The following FMNL2 variants were observed in gnomAD, a reference collection of about 807,000 sequenced individuals.
FMNL2 encodes the protein formin-like protein 2.
In FMNL2, 51 loss-of-function variants were observed where a neutral mutation model predicts 130.2. That is an observed-to-expected ratio of 0.39 (90% CI 0.31 to 0.49). FMNL2 has a LOEUF of 0.49. Among genes scored for constraint, FMNL2 ranks in the 20% least tolerant of loss-of-function variants. The pLI is 0.85. For synonymous variants in FMNL2, 465 were observed against 467.1 expected, an observed-to-expected ratio of 1.00 and a Z score of 0.06; for missense variants, 977 against 1,316.2, an observed-to-expected ratio of 0.74 and a Z score of 3.99.
At chr2:152,490,569 A>ATTGTGTGTG (rs1316798149) in intron 1 of FMNL2, among the ~76,000 whole-genome samples, 1 of 108,520 alleles carries the variant, frequency 9.2e-6, no homozygotes, top group Admixed American at 1.0e-4. Context: ...TTGCTATCCA[A>ATTGTGTGTG]TGTGTGTGTG....
intron 1 of FMNL2, among the ~76,000 whole-genome samples, chr2:152,461,377 G>A (rs114759381): frequency 0.017 from 2,645 of 151,858 alleles, 33 homozygotes; most frequent in Non-Finnish European, 0.027. Flanking sequence ...AACATATGAA[G>A]TCTTTGAGAT....
intron 1 of FMNL2, among the ~76,000 whole-genome samples, chr2:152,412,458 ATATATATATATATATAT>A (rs1686357577): frequency 2.7e-4 from 2 of 7,524 alleles, no homozygotes; most frequent in South Asian, 6.9e-3. Context: ...ATATATATAT[ATATATATATATATATAT>A]ATATATATAT....
intron 1 of FMNL2, among the ~76,000 whole-genome samples, chr2:152,393,418 T>C (rs956465989): frequency 6.6e-6 from 1 of 152,224 alleles, no homozygotes; most frequent in African/African-American, 2.4e-5. Flanking sequence ...ATTATGTCCA[T>C]AGGATAGATG....
At chr2:152,529,299 G>T (rs1418987254) in intron 2 of FMNL2, among the ~76,000 whole-genome samples, 3 of 152,130 alleles carry the variant, frequency 2.0e-5, no homozygotes. Context: ...GTACCAATTT[G>T]TTTGTCCCGA....
At chr2:152,445,088 C>T (rs892705506) in intron 1 of FMNL2, among the ~76,000 whole-genome samples, 6 of 152,244 alleles carry the variant, frequency 3.9e-5, no homozygotes, top group African/African-American at 4.8e-5. Context: ...AGTTGCAGAA[C>T]TTTCAAAGAG....
chr2:152,528,136 T>A (rs771164341), intron 2 of FMNL2, among the ~76,000 whole-genome samples: 19 of 152,252 alleles, frequency 1.2e-4, no homozygotes, highest in Non-Finnish European at 2.4e-4. Context: ...TATAATTATT[T>A]ACCTTTTTCT....
At chr2:152,643,751 G>C in intron 25 of FMNL2, 1 of 985,442 alleles carries the variant, frequency 1.0e-6, no homozygotes. Context: ...GTCTGGGTGT[G>C]TTTGACAGCT....
intron 1 of FMNL2, among the ~76,000 whole-genome samples, chr2:152,406,267 G>T (rs1207729712): frequency 6.6e-6 from 1 of 152,196 alleles, no homozygotes; most frequent in Non-Finnish European, 1.5e-5. Context: ...TCTTGTCAAA[G>T]AGGGAACTGA....
Position 152,560,924 on chromosome 2 carries a change from T to A in FMNL2, c.485T>A (p.Val162Glu). ...GTGGAGAGTACTGTGGAGAGCTCGG[T>A]GGACAAATCAAAGCCCTGGAGTAGG... ...ESVESTVESS[V>E]DKSKPWSRSI... Residue 162 changes from valine to glutamate, a missense_variant, in exon 6 of 26, where the codon GTG (valine) becomes GAG (glutamate). Val to Glu is a moderately radical substitution (Grantham distance 121, BLOSUM62 -2). Transcript: ENST00000288670. 1 of 1,612,508 alleles carries A rather than the reference T, an allele frequency of 6.2e-7. No homozygotes were observed. The highest frequency in any genetic ancestry group is 8.5e-7 in the Non-Finnish European group (1 of 1,179,300).
intron 1 of FMNL2, among the ~76,000 whole-genome samples, chr2:152,519,216 C>T (rs1368668878): frequency 1.3e-5 from 2 of 152,152 alleles, no homozygotes; most frequent in Non-Finnish European, 2.9e-5. Context: ...TCTAAGACTA[C>T]CCTCTGATAA....
intron 23 of FMNL2, among the ~76,000 whole-genome samples, chr2:152,639,174 T>C (rs1361952372): frequency 6.6e-6 from 1 of 152,192 alleles, no homozygotes; most frequent in Non-Finnish European, 1.5e-5. Flanking sequence ...CCTAGGGACT[T>C]TGTAGGCAGA....
At chr2:152,531,913 G>C (rs1693721199) in intron 2 of FMNL2, among the ~76,000 whole-genome samples, 1 of 152,142 alleles carries the variant, frequency 6.6e-6, no homozygotes, top group Non-Finnish European at 1.5e-5. Flanking sequence ...GTGGTTTAGG[G>C]GTGAGGGTGA....
chr2:152,479,393 C>T (rs181731493), intron 1 of FMNL2, among the ~76,000 whole-genome samples: 24 of 152,296 alleles, frequency 1.6e-4, no homozygotes, highest in African/African-American at 4.6e-4. Context: ...CATCCTCCTG[C>T]GTTGGCCTCC....
At chr2:152,495,076 C>T in intron 1 of FMNL2, among the ~76,000 whole-genome samples, 1 of 152,166 alleles carries the variant, frequency 6.6e-6, no homozygotes, top group Non-Finnish European at 1.5e-5. Context: ...AGCGTTGGAA[C>T]ACCCGATTTG....
At chr2:152,538,276 T>G (rs1024877836) in intron 2 of FMNL2, among the ~76,000 whole-genome samples, 14 of 6,970 alleles carry the variant, frequency 2.0e-3, no homozygotes, top group Non-Finnish European at 1.0e-3. Context: ...TATATGAGGT[T>G]TTTTTTTTTT....
intron 6 of FMNL2, among the ~76,000 whole-genome samples, chr2:152,569,263 A>G (rs1319657556): frequency 6.6e-6 from 1 of 152,178 alleles, no homozygotes; most frequent in African/African-American, 2.4e-5. Context: ...CGGCAGATCC[A>G]TGAGAGCTGC....
At chr2:152,434,594 G>C (rs1339417284) in intron 1 of FMNL2, among the ~76,000 whole-genome samples, 1 of 152,032 alleles carries the variant, frequency 6.6e-6, no homozygotes, top group Non-Finnish European at 1.5e-5. Flanking sequence ...GGTAAGGCAG[G>C]GTGCTGTGGT....
At chr2:152,565,367 A>T (rs923130976) in intron 6 of FMNL2, among the ~76,000 whole-genome samples, 1 of 152,160 alleles carries the variant, frequency 6.6e-6, no homozygotes, top group South Asian at 2.1e-4. Flanking sequence ...GTGAAAGAAC[A>T]TGAGTTGAGC....
intron 1 of FMNL2, among the ~76,000 whole-genome samples, chr2:152,417,516 G>C (rs16831081): frequency 6.6e-6 from 1 of 151,964 alleles, no homozygotes; most frequent in African/African-American, 2.4e-5. Context: ...TGCAAGGTTG[G>C]ATTTGCTTAC....
Sources: allele counts gnomAD v4.1 joint callset (sites outside exome capture counted in the v4.1 genomes callset), GRCh38; gene constraint gnomAD v4.1.1; transcripts MANE v1.5; gene names NCBI Gene and HGNC (gene_info 2026-07-23, HGNC 2026-07-21).